The following USH2A variants were observed in gnomAD, a reference collection of about 807,000 sequenced individuals.
USH2A encodes the protein Usher syndrome 2A (autosomal recessive, mild).
In USH2A, 443 loss-of-function variants were observed where a neutral mutation model predicts 538.9. The ratio of observed to expected loss-of-function variants is 0.82; its 90% CI spans 0.76 to 0.89. USH2A has a LOEUF of 0.89. Among genes scored for constraint, USH2A ranks in the 40% least tolerant of loss-of-function variants. The pLI, the probability that USH2A is intolerant of heterozygous loss-of-function variation, is 0.00. For missense variants in USH2A, 6,633 were observed against 6,324.8 expected (o/e 1.05, Z -1.65); for synonymous variants, 2,413 against 2,273.5 (o/e 1.06, Z -1.75).
intron 54 of USH2A, among the ~76,000 whole-genome samples, chr1:215,780,296 A>G (rs1479492555): frequency 6.6e-6 from 1 of 152,148 alleles, no homozygotes; most frequent in East Asian, 1.9e-4. Context: ...TTGACGGCAG[A>G]GTGCAGCCCT....
chr1:215,674,128 T>A lies in USH2A; in HGVS notation c.13783A>T (p.Ile4595Leu). ...THNSFGMQSYIVNQLKPFHRY... is the reference protein window; with the variant it reads ...THNSFGMQSYLVNQLKPFHRY... Reference sequence around the variant, plus strand: ...TGAAATGGCTTCAGCTGGTTTACTATATATGACTGCATACCAAAAGAATTA... The same window carrying A: ...TGAAATGGCTTCAGCTGGTTTACTAAATATGACTGCATACCAAAAGAATTA... Residue 4595 changes from isoleucine (I) to leucine (L), a missense_variant, in exon 63 of 72, where the codon ATA becomes TTA. Transcript: ENST00000307340. 3 of 1,614,152 alleles carry A rather than the reference T, an allele frequency of 1.9e-6. No individual in the cohort carries two copies. The highest frequency in any genetic ancestry group is 2.5e-6 in the Non-Finnish European group (3 of 1,180,004).
chr1:215,790,750 C>A (rs140662709), intron 50 of USH2A, among the ~76,000 whole-genome samples: 1 of 152,116 alleles, frequency 6.6e-6, no homozygotes, highest in Non-Finnish European at 1.5e-5. Flanking sequence ...GGAAGCCCTG[C>A]GGGAGAAGCA....
chr1:216,232,742 C>A (rs1018496282), intron 13 of USH2A, among the ~76,000 whole-genome samples: 5 of 152,156 alleles, frequency 3.3e-5, no homozygotes, highest in African/African-American at 1.2e-4. Context: ...CACTCTTCAT[C>A]CCCGCTACGA....
chr1:215,879,183 G>A (rs1664848848), intron 41 of USH2A, 85 bp from the exon 42 acceptor site: 2 of 1,219,286 alleles, frequency 1.6e-6, no homozygotes, highest in Non-Finnish European at 2.4e-6. Context: ...TTTTGCTCTT[G>A]TTTTCAGTTA....
intron 16 of USH2A, among the ~76,000 whole-genome samples, chr1:216,200,484 C>G (rs1441080629): frequency 1.3e-5 from 2 of 152,194 alleles, no homozygotes; most frequent in African/African-American, 2.4e-5. Context: ...AAACACTAAA[C>G]ACACCAGACT....
intron 38 of USH2A, among the ~76,000 whole-genome samples, chr1:215,903,820 T>C (rs1053092081): frequency 6.6e-6 from 1 of 152,102 alleles, no homozygotes; most frequent in African/African-American, 2.4e-5. Context: ...AATAATTCTC[T>C]CAATTAGTAA....
chr1:215,991,486 T>A (rs906481734), intron 35 of USH2A, among the ~76,000 whole-genome samples: 2 of 151,884 alleles, frequency 1.3e-5, no homozygotes, highest in African/African-American at 4.8e-5. Flanking sequence ...AAAGTCGTTT[T>A]AAAAAAAATA....
At chr1:216,297,661 G>T (rs939870390) in intron 9 of USH2A, among the ~76,000 whole-genome samples, 3 of 152,086 alleles carry the variant, frequency 2.0e-5, no homozygotes, top group Non-Finnish European at 2.9e-5. Context: ...ACCATTAAAA[G>T]GTGATTCTGT....
At chr1:215,765,259 T>C (rs538238150) in intron 56 of USH2A, among the ~76,000 whole-genome samples, 107 of 152,258 alleles carry the variant, frequency 7.0e-4, no homozygotes, top group Non-Finnish European at 1.2e-3. Context: ...TTCCAAAAAA[T>C]CCACTGCTGG....
intron 4 of USH2A, among the ~76,000 whole-genome samples, chr1:216,359,634 G>A (rs2038453244): frequency 6.6e-6 from 1 of 151,938 alleles, no homozygotes; most frequent in Non-Finnish European, 1.5e-5. Flanking sequence ...GAATTAATAA[G>A]TGCATCAGAC....
intron 62 of USH2A, among the ~76,000 whole-genome samples, chr1:215,678,411 C>T (rs1327971312): frequency 6.6e-6 from 1 of 152,152 alleles, no homozygotes; most frequent in Non-Finnish European, 1.5e-5. Flanking sequence ...TCCTTGAATA[C>T]ACCAAGTTCA....
rs1420277429 is a variant in USH2A, at chr1:216,421,841, C to A, written c.485+11G>T. 1.2e-6 allele frequency: 2 copies of A among 1,613,862 alleles called. No homozygotes were observed. The highest frequency in any genetic ancestry group is 1.3e-5 in the African/African-American group (1 of 75,030). On this transcript the variant is annotated intron_variant, in intron 2 of 71. Coordinates refer to ENST00000307340, the MANE Select transcript of USH2A (RefSeq NM_206933.4). ...GGACCTATGAAAGCTTATACCTACA[C>A]TACTACTTACATTACACCTTGTTGC...
At chr1:216,065,951 G>A (rs560772980) in intron 30 of USH2A, among the ~76,000 whole-genome samples, 7 of 151,688 alleles carry the variant, frequency 4.6e-5, no homozygotes, top group Non-Finnish European at 8.8e-5. Flanking sequence ...ACCTACCTAG[G>A]CACATCATAA....
intron 65 of USH2A, 21 bp from the exon 66 acceptor site, chr1:215,648,787 A>G (rs1249769349): frequency 6.2e-7 from 1 of 1,602,230 alleles, no homozygotes; most frequent in Non-Finnish European, 8.5e-7. Flanking sequence ...AAGGAAGGCT[A>G]GATAAAGGCA....
chr1:215,970,816 C>T (rs372151483), intron 35 of USH2A, 40 bp from the exon 36 acceptor site: 35 of 1,601,964 alleles, frequency 2.2e-5, no homozygotes, highest in Non-Finnish European at 3.0e-5. Flanking sequence ...GACTACTAGA[C>T]AATAGCAAAG....
At chr1:215,955,398 T>A (rs908521049) in intron 37 of USH2A, among the ~76,000 whole-genome samples, 1 of 152,198 alleles carries the variant, frequency 6.6e-6, no homozygotes, top group Non-Finnish European at 1.5e-5. Context: ...CAACTCTGGA[T>A]AGAGAAAATT....
At chr1:215,870,596 C>T (rs771305863) in intron 43 of USH2A, among the ~76,000 whole-genome samples, 3 of 151,762 alleles carry the variant, frequency 2.0e-5, no homozygotes, top group East Asian at 1.9e-4. Context: ...CGCGCCTGGC[C>T]GAGGAAACAA....
intron 70 of USH2A, among the ~76,000 whole-genome samples, chr1:215,630,725 C>T (rs1205290537): frequency 6.6e-6 from 1 of 151,070 alleles, no homozygotes; most frequent in Non-Finnish European, 1.5e-5. Flanking sequence ...TGGTGGCGGG[C>T]GCCTGTAGTC....
At chr1:216,066,564 G>T (rs1421787345) in intron 30 of USH2A, among the ~76,000 whole-genome samples, 4 of 152,104 alleles carry the variant, frequency 2.6e-5, no homozygotes, top group Non-Finnish European at 5.9e-5. Flanking sequence ...TATCCTGTAG[G>T]TAACTTTGAT....
Sources: allele counts gnomAD v4.1 joint callset (sites outside exome capture counted in the v4.1 genomes callset), GRCh38; gene constraint gnomAD v4.1.1; transcripts MANE v1.5; gene names NCBI Gene and HGNC (gene_info 2026-07-23, HGNC 2026-07-21).